Variants in REL observed in about 807,000 individuals in gnomAD.
REL encodes the protein REL proto-oncogene, NF-kB subunit, also known as proto-oncogene c-Rel.
In REL, 15 loss-of-function variants were observed where a neutral mutation model predicts 45.9. The observed-to-expected ratio is 0.33, with a 90% CI of 0.22 to 0.50. REL has a LOEUF of 0.50. REL is among the 20% of genes least tolerant of loss of function. The pLI, the probability that REL is intolerant of heterozygous loss-of-function variation, is 0.98. For missense variants in REL, 601 were observed against 715.2 expected, an observed-to-expected ratio of 0.84 and a Z score of 1.82; for synonymous variants, 239 against 242.1, an observed-to-expected ratio of 0.99 and a Z score of 0.12.
chr2:60,896,411 ATAG>A (rs1573320590), intron 3 of REL, among the ~76,000 whole-genome samples: 1 of 152,194 alleles, frequency 6.6e-6, no homozygotes, highest in Admixed American at 6.5e-5. Context: ...TAAGGTATTA[ATAG>A]TAGTTGTCTG....
chr2:60,884,637 G>A lies in REL; in HGVS notation c.10+2787G>A, dbSNP rs1482889867. On this transcript the variant is annotated intron_variant, in intron 1 of 9. Transcript: ENST00000394479. Reference sequence around the variant, plus strand: ...AACCTTCTCATTGTTCCAGTAAAAAGAGCAAAATGTCTTTGTGTGGCATAT... The same window carrying A: ...AACCTTCTCATTGTTCCAGTAAAAAAAGCAAAATGTCTTTGTGTGGCATAT... 2.0e-5 allele frequency among the ~76,000 whole-genome samples: 3 copies of A among 152,054 alleles called. No homozygotes were observed. In the South Asian group the frequency reaches 6.2e-4, roughly 32 times the overall value.
In REL at chr2:60,926,199, T is replaced by C. The variant is rs910256310; in HGVS notation, c.*3664T>C. 18 of 230,870 alleles carry C rather than the reference T, an allele frequency of 7.8e-5. No homozygotes were observed. Among genetic ancestry groups the C allele is most frequent in the Non-Finnish European group, 1.5e-4 (17 of 116,292 alleles). The allele number at this position is 230,870 out of a possible 1,614,324, so 14.3% of individuals were successfully genotyped here. A position where few individuals can be genotyped will look rare whatever the true frequency, so the allele number is the denominator to read the frequency against. On this transcript the variant is annotated 3_prime_UTR_variant, in exon 10 of 10. Transcript: ENST00000394479. ...TTACATCACCACTTAGTGATTCCTT[T>C]CTTTGTATAAACATGGTAAATGTCT...
At chr2:60,883,968 A>AG (rs960603780) in intron 1 of REL, among the ~76,000 whole-genome samples, 3 of 151,652 alleles carry the variant, frequency 2.0e-5, no homozygotes, top group Non-Finnish European at 2.9e-5. Context: ...ATAAAAAAAA[A>AG]AAAATGTTTA....
Position 60,917,001 on chromosome 2 carries a change from C to T in REL, c.519C>T (p.Asn173=). The change falls in exon 5 of 10, where the codon AAC becomes AAT. Residue 173 remains asparagine (N), a synonymous_variant. Coordinates refer to ENST00000394479, the MANE Select transcript of REL (RefSeq NM_001291746.2). ...CTGCTCTTCCTCCTGTTGTCTCGAA[C>T]CCAATTTATGACAACCGTAAGTACT... ...LTTALPPVVS[N]PIYDNRAPNT... The T allele has an allele frequency of 6.2e-7, 1 of 1,612,676 alleles. No individual in the cohort carries two copies. The highest frequency in any genetic ancestry group is 2.2e-5 in the East Asian group (1 of 44,836).
At chr2:60,920,009 T>C in intron 7 of REL, 32 bp from the exon 8 acceptor site, 1 of 1,454,700 alleles carries the variant, frequency 6.9e-7, no homozygotes, top group South Asian at 1.2e-5. Flanking sequence ...CCTATAATTT[T>C]TTATCTGCTT....
rs1441118516 is a variant in REL, at chr2:60,925,381, A to T, written c.*2846A>T. On this transcript the variant is annotated 3_prime_UTR_variant, in exon 10 of 10. Coordinates refer to ENST00000394479, the MANE Select transcript of REL (RefSeq NM_001291746.2). ...GTGAGACTTGGGCTCAGGATGGTTC[A>T]GGAAGAAAAAAAAAGAAAGACCCCT... 1 of 190,732 alleles carries T rather than the reference A, an allele frequency of 5.2e-6. No homozygotes were observed. The highest frequency in any genetic ancestry group is 1.1e-5 in the Non-Finnish European group (1 of 90,914). 11.8% of individuals were successfully genotyped at this position (190,732 alleles called of 1,614,324 possible).
intron 3 of REL, among the ~76,000 whole-genome samples, chr2:60,898,012 C>T (rs182747915): frequency 6.2e-4 from 94 of 152,276 alleles, no homozygotes; most frequent in African/African-American, 2.2e-3. Context: ...TCATCTCTGA[C>T]ATTCCTCATC....
chr2:60,885,316 A>C (rs963128634), intron 1 of REL, among the ~76,000 whole-genome samples: 3 of 152,122 alleles, frequency 2.0e-5, no homozygotes, highest in African/African-American at 7.2e-5. Flanking sequence ...CTCTGTTTTT[A>C]TTTTTAAAAC....
intron 3 of REL, among the ~76,000 whole-genome samples, chr2:60,894,918 G>A (rs1010034741): frequency 2.1e-5 from 3 of 145,226 alleles, no homozygotes; most frequent in African/African-American, 7.7e-5. Flanking sequence ...GTGCAATGGC[G>A]CAATCTCGGC....
intron 3 of REL, chr2:60,899,829 A>T (rs879626970): frequency 6.6e-6 from 1 of 152,332 alleles, no homozygotes; most frequent in Non-Finnish European, 1.5e-5. Context: ...ATTTGTAGCT[A>T]TTGGGAAGTT....
At chr2:60,909,834 C>T (rs1235377363) in intron 4 of REL, among the ~76,000 whole-genome samples, 11 of 151,802 alleles carry the variant, frequency 7.2e-5, no homozygotes, top group Admixed American at 5.2e-4. Context: ...AACCAGGAGG[C>T]GGGGGTTGCA....
chr2:60,905,255 C>T (rs1270098236), intron 4 of REL, among the ~76,000 whole-genome samples: 2 of 152,064 alleles, frequency 1.3e-5, no homozygotes, highest in African/African-American at 2.4e-5. Context: ...CCACCGCACC[C>T]GGCTAATTTT....
rs1674341742 is a variant in REL at position 60,929,518 on chromosome 2, G to C, written c.*6983G>C. 6.6e-6 allele frequency: 1 copy of C among 151,702 alleles called. No homozygotes were observed. The allele number at this position is 151,702 out of a possible 1,614,324, so 9.4% of individuals were successfully genotyped here. On this transcript the variant is annotated 3_prime_UTR_variant, in exon 10 of 10. Coordinates refer to ENST00000394479, the MANE Select transcript of REL (RefSeq NM_001291746.2). ...AAAAAATGATGAATTCATGTCCTTT[G>C]TAGGGACATGGATGAAATTGGAAAA...
In REL at chr2:60,920,057, A is replaced by G. The variant is rs763088177; in HGVS notation, c.870A>G (p.Lys290=). 1 of 1,611,594 alleles carries G rather than the reference A, an allele frequency of 6.2e-7. No homozygotes were observed. The highest frequency in any genetic ancestry group is 2.2e-5 in the East Asian group (1 of 44,810). The change falls in exon 8 of 10, where the codon AAA becomes AAG. Residue 290 remains lysine (K), a synonymous_variant. Coordinates refer to ENST00000394479, the MANE Select transcript of REL (RefSeq NM_001291746.2). ...TCTAATCAGATACTTACGGCAATAA[A>G]GCAAAGAAACAAAAGACAACTCTGC... ...LPDEKDTYGN[K]AKKQKTTLLF...
At chr2:60,907,450 C>T (rs150134657) in intron 4 of REL, among the ~76,000 whole-genome samples, 1 of 151,782 alleles carries the variant, frequency 6.6e-6, no homozygotes, top group Non-Finnish European at 1.5e-5. Context: ...TCGAGACCAG[C>T]CTGGGCAATG....
chr2:60,921,413 G>T (rs1393380229), intron 9 of REL, among the ~76,000 whole-genome samples: 2 of 151,878 alleles, frequency 1.3e-5, no homozygotes, highest in Non-Finnish European at 2.9e-5. Flanking sequence ...TGGCTATTTG[G>T]AATCCCATTA....
intron 1 of REL, 150 bp downstream of exon 1, chr2:60,882,000 G>C (rs562507807): frequency 4.7e-5 from 25 of 535,734 alleles, no homozygotes; most frequent in African/African-American, 3.8e-4. Flanking sequence ...TTTTAAAAAA[G>C]TTACCTGCTT....
chr2:60,882,679 T>TA (rs575989821), intron 1 of REL, among the ~76,000 whole-genome samples: 4,300 of 143,516 alleles, frequency 0.03, 88 homozygotes, highest in Middle Eastern at 0.079. Flanking sequence ...TGTCTCTATT[T>TA]AAAAAAAAAA....
intron 4 of REL, among the ~76,000 whole-genome samples, chr2:60,903,053 G>A (rs1223253838): frequency 6.6e-6 from 1 of 152,118 alleles, no homozygotes; most frequent in Non-Finnish European, 1.5e-5. Flanking sequence ...GTGATTCATT[G>A]CCAAATTAAT....
Sources: gnomAD v4.1 joint callset for allele counts (sites outside exome capture counted in the v4.1 genomes callset) on GRCh38, gnomAD v4.1.1 for gene constraint, MANE v1.5 for transcripts, NCBI Gene and HGNC (gene_info 2026-07-23, HGNC 2026-07-21) for gene names.